The following ABL1 variants were observed in gnomAD, a reference collection of about 807,000 sequenced individuals.
ABL1 encodes the protein ABL proto-oncogene 1, non-receptor tyrosine kinase.
In ABL1, 11 loss-of-function variants were observed where a neutral mutation model predicts 94.7. The ratio of observed to expected loss-of-function variants is 0.12; its 90% confidence interval spans 0.07 to 0.19. The LOEUF is 0.19. Among genes scored for constraint, ABL1 ranks in the 10% least tolerant of loss-of-function variants. The pLI, the probability that ABL1 is intolerant of heterozygous loss-of-function variation, is 1.00. For missense variants in ABL1, 1,082 were observed against 1,489.4 expected (o/e 0.73, Z 4.50); for synonymous variants, 656 against 622.4 (o/e 1.05, Z -0.80).
In ABL1 at chr9:130,757,762, C is replaced by T. The variant is rs138251498; in HGVS notation, c.136+43307C>T. Among the ~76,000 whole-genome samples, 1,220 of 152,006 alleles carry T rather than the reference C, an allele frequency of 8.0e-3. 14 individuals carry two copies. The highest frequency in any genetic ancestry group is 0.027 in the African/African-American group (1,137 of 41,464). ...TTCACTGTGTTAGCCAGGCTAGTCT[C>T]GATCTCCTGACCTTGTGATTTACCC... On this transcript the variant is annotated intron_variant, in intron 1 of 10. Transcript: ENST00000372348.
In ABL1 at chr9:130,733,431, TA is replaced by T. The variant is rs565168104; in HGVS notation, c.136+18985del. Reference sequence around the variant, plus strand: ...AATATCTCTTGTGGATGTGTAAAGTTAAAAAAAAATTTTTTTTTCTTGTAGC... The same window carrying T: ...AATATCTCTTGTGGATGTGTAAAGTTAAAAAAAATTTTTTTTTCTTGTAGC... On this transcript the variant is annotated intron_variant, in intron 1 of 10. Coordinates refer to the ABL1 transcript ENST00000372348. 8.5e-3 allele frequency among the ~76,000 whole-genome samples: 1,295 copies of T among 151,866 alleles called. 19 individuals carry two copies. Among genetic ancestry groups the T allele is most frequent in the African/African-American group, 0.029 (1,201 of 41,444 alleles).
chr9:130,833,468 C>G (rs1289872208), upstream of ABL1, among the ~76,000 whole-genome samples: 4 of 152,156 alleles, frequency 2.6e-5, no homozygotes, highest in East Asian at 3.8e-4. Flanking sequence ...CGCAGGCTGT[C>G]CAGCAGAATG....
At chr9:130,790,535 G>C (rs1416349336) in intron 1 of ABL1, among the ~76,000 whole-genome samples, 1 of 151,798 alleles carries the variant, frequency 6.6e-6, no homozygotes, top group Non-Finnish European at 1.5e-5. Flanking sequence ...CCAGGCTGGA[G>C]TGCAGTGGTC....
At chr9:130,741,216 T>TAGG (rs1330957725) in intron 1 of ABL1, among the ~76,000 whole-genome samples, 7 of 152,130 alleles carry the variant, frequency 4.6e-5, no homozygotes, top group African/African-American at 1.7e-4. Context: ...GTGTGAGTGC[T>TAGG]AGTCATGGTG....
In ABL1 at chr9:130,862,664, T is replaced by A; in HGVS notation, c.550-99T>A. 1 of 1,350,374 alleles carries A rather than the reference T, an allele frequency of 7.4e-7. No individual in the cohort carries two copies. The highest frequency in any genetic ancestry group is 1.4e-5 in the South Asian group (1 of 71,566). The allele number at this position is 1,350,374 out of a possible 1,614,324, so 83.6% of individuals were successfully genotyped here. On this transcript the variant is annotated intron_variant, in intron 3 of 10. Coordinates refer to ENST00000318560, the MANE Select transcript of ABL1 (RefSeq NM_005157.6). This position sits in a 1 kb window ranked among gnomAD's most constrained non-coding sequence, Gnocchi z 5.5. ...TGTGGAGAGCTCCTTATGTGAGATT[T>A]TGCTGTGTAGTGAATTAAGGCTCAG...
intron 1 of ABL1, among the ~76,000 whole-genome samples, chr9:130,812,222 AATT>A (rs1387996525): frequency 1.3e-5 from 2 of 148,424 alleles, no homozygotes; most frequent in Non-Finnish European, 3.0e-5. Flanking sequence ...AAAAAAAAAA[AATT>A]AGCCAGGTGT....
intron 1 of ABL1, among the ~76,000 whole-genome samples, chr9:130,765,597 A>C (rs141054790): frequency 6.1e-4 from 93 of 152,294 alleles, no homozygotes; most frequent in African/African-American, 2.1e-3. Context: ...TGGAAGGTCT[A>C]CTGGGTACGT....
At chr9:130,807,913 G>A (rs1469679716) in intron 1 of ABL1, among the ~76,000 whole-genome samples, 1 of 151,038 alleles carries the variant, frequency 6.6e-6, no homozygotes. Flanking sequence ...GGTCAGGCTG[G>A]TCTCGAACTC....
intron 1 of ABL1, among the ~76,000 whole-genome samples, chr9:130,741,088 C>G (rs1354330480): frequency 6.6e-6 from 1 of 152,080 alleles, no homozygotes; most frequent in Non-Finnish European, 1.5e-5. Flanking sequence ...GACTAAGGAG[C>G]CACATCCCTG....
At chr9:130,846,524 TC>T (rs950588225) in intron 1 of ABL1, among the ~76,000 whole-genome samples, 1 of 151,986 alleles carries the variant, frequency 6.6e-6, no homozygotes, top group South Asian at 2.1e-4. Context: ...CATCCTCCTG[TC>T]CCCCCCACAC....
Position 130,863,137 on chromosome 9 carries a change from G to A in ABL1, c.822+102G>A, listed in dbSNP as rs960720793. On this transcript the variant is annotated intron_variant, in intron 4 of 10. Coordinates refer to ENST00000318560, the MANE Select transcript of ABL1 (RefSeq NM_005157.6). This position sits in a 1 kb window ranked among gnomAD's most constrained non-coding sequence, Gnocchi z 4.3. ...GAAGTCTACCTCCTGCCTGCTGTCC[G>A]AGGGCTTCATTGGCGCCACGGAATT... 1.7e-5 allele frequency: 23 copies of A among 1,361,044 alleles called. No homozygotes were observed. The highest frequency in any genetic ancestry group is 2.6e-4 in the Middle Eastern group (1 of 3,782). The allele number at this position is 1,361,044 out of a possible 1,614,324, so 84.3% of individuals were successfully genotyped here.
In ABL1 at chr9:130,766,443, G is replaced by C. The variant is rs528109102; in HGVS notation, c.136+51988G>C. Among the ~76,000 whole-genome samples the C allele has an allele frequency of 8.5e-5, 13 of 152,344 alleles. No homozygotes were observed. In the South Asian group the frequency reaches 1.2e-3, roughly 15 times the overall value. ...TTCTGACAGGGAGCTGGAGGGTGCA[G>C]GTACTGGATGTGTCTCATTGGGATA... On this transcript the variant is annotated intron_variant, in intron 1 of 10. Transcript: ENST00000372348.
intron 3 of ABL1, among the ~76,000 whole-genome samples, chr9:130,857,583 T>G (rs1191123581): frequency 6.6e-6 from 1 of 152,220 alleles, no homozygotes; most frequent in Non-Finnish European, 1.5e-5. Context: ...TGCTATGGCT[T>G]CATACCATGT....
chr9:130,772,581 A>T (rs1485831369), intron 1 of ABL1, among the ~76,000 whole-genome samples: 2 of 152,190 alleles, frequency 1.3e-5, no homozygotes, highest in Non-Finnish European at 1.5e-5. Flanking sequence ...GTGGGAGAAG[A>T]GGAGGAGACG....
intron 1 of ABL1, among the ~76,000 whole-genome samples, chr9:130,762,217 C>T (rs962814241): frequency 4.9e-4 from 75 of 152,000 alleles, no homozygotes; most frequent in African/African-American, 1.8e-3. Context: ...ACCCCACCCC[C>T]AGAGATAACC....
At chr9:130,839,188 A>T (rs1190877143) in intron 1 of ABL1, among the ~76,000 whole-genome samples, 1 of 150,950 alleles carries the variant, frequency 6.6e-6, no homozygotes, top group Non-Finnish European at 1.5e-5. Flanking sequence ...TGGCCTCCCC[A>T]AAGTGCATCC....
chr9:130,744,102 C>T (rs2132716522), intron 1 of ABL1, among the ~76,000 whole-genome samples: 1 of 152,008 alleles, frequency 6.6e-6, no homozygotes, highest in African/African-American at 2.4e-5. Flanking sequence ...TAATTTGCTA[C>T]CCAGCTTTTA....
At chr9:130,802,935 C>G (rs141263621) in intron 1 of ABL1, among the ~76,000 whole-genome samples, 5 of 152,268 alleles carry the variant, frequency 3.3e-5, no homozygotes, top group African/African-American at 1.2e-4. Flanking sequence ...TTGTGTCTGT[C>G]CCATGCATGA....
intron 1 of ABL1, among the ~76,000 whole-genome samples, chr9:130,847,986 C>G (rs996938254): frequency 1.3e-5 from 2 of 152,116 alleles, no homozygotes; most frequent in Non-Finnish European, 2.9e-5. Flanking sequence ...AATCCAGATG[C>G]GGCAGAATGT....
Sources: gnomAD v4.1 joint callset for allele counts (sites outside exome capture counted in the v4.1 genomes callset) on GRCh38, gnomAD v4.1.1 for gene constraint, Gnocchi (gnomAD v3.1) non-coding constraint, MANE v1.5 for transcripts, NCBI Gene and HGNC (gene_info 2026-07-23, HGNC 2026-07-21) for gene names.